The following GMCL1 variants were observed in gnomAD, a reference collection of about 807,000 sequenced individuals.
The protein encoded by GMCL1 is germ cell-less protein-like 1.
A neutral mutation model predicts 75.5 loss-of-function variants in GMCL1; 54 were observed. That is an observed-to-expected ratio of 0.71 (90% CI 0.57 to 0.90). GMCL1 has a LOEUF of 0.90. GMCL1 is among the 40% of genes least tolerant of loss of function. The pLI, the probability that GMCL1 is intolerant of heterozygous loss-of-function variation, is 0.00. For missense variants in GMCL1, 537 were observed against 622.7 expected (o/e 0.86, Z 1.47); for synonymous variants, 210 against 209.6 (o/e 1.00, Z -0.02).
At chr2:69,850,207 A>C (rs1027879052) in intron 8 of GMCL1, among the ~76,000 whole-genome samples, 31 of 152,174 alleles carry the variant, frequency 2.0e-4, no homozygotes, top group African/African-American at 7.0e-4. Context: ...GTGCTGCTGC[A>C]TACATTTGTG....
chr2:69,853,532 A>G (rs1307193281), intron 8 of GMCL1, among the ~76,000 whole-genome samples: 4 of 152,228 alleles, frequency 2.6e-5, no homozygotes, highest in Non-Finnish European at 4.4e-5. Context: ...GGTTTGAGAC[A>G]TAATAGTCTA....
At position 69,847,582 on chromosome 2, in the gene GMCL1, AT is replaced by A; in HGVS notation, c.801del (p.Phe267LeufsTer2). On this transcript the variant is annotated frameshift_variant, in exon 7 of 14. Coordinates refer to ENST00000282570, the MANE Select transcript of GMCL1 (RefSeq NM_178439.5). LOFTEE classifies it high-confidence loss of function. The stretch of plus-strand genomic sequence containing the variant: ...AACAGCTCATTGGTTCATCTAACTT[AT>A]TTGTGATGCAAGTGGAGATGGATAT... ...MKQLIGSSNLFVMQVEMDIYT... is the reference protein window; with the variant it reads ...MKQLIGSSNLXVMQVEMDIYT... 1.2e-6 allele frequency: 2 copies of A among 1,611,372 alleles called. No individual in the cohort carries two copies. Among genetic ancestry groups the A allele is most frequent in the Non-Finnish European group, 1.7e-6 (2 of 1,177,830 alleles).
chr2:69,872,615 G>A (rs1213520317), intron 13 of GMCL1, among the ~76,000 whole-genome samples: 1 of 152,148 alleles, frequency 6.6e-6, no homozygotes, highest in Non-Finnish European at 1.5e-5. Context: ...TGCCCTATAT[G>A]AGAACTTCTT....
chr2:69,830,186 C>T (rs753890627), intron 1 of GMCL1, 34 bp downstream of exon 1: 99 of 1,541,220 alleles, frequency 6.4e-5, no homozygotes, highest in Non-Finnish European at 7.9e-5. Context: ...CGGACCCGGA[C>T]CCGCACCTGT....
chr2:69,854,987 A>G (rs756507450), intron 9 of GMCL1, 27 bp downstream of exon 9: 2 of 1,508,250 alleles, frequency 1.3e-6, no homozygotes, highest in Non-Finnish European at 1.8e-6. Context: ...TGTAATTTTA[A>G]GTAATATATT....
At chr2:69,863,929 C>T (rs1675731413) in intron 10 of GMCL1, among the ~76,000 whole-genome samples, 2 of 151,942 alleles carry the variant, frequency 1.3e-5, no homozygotes, top group African/African-American at 4.8e-5. Flanking sequence ...ATACTCTTAC[C>T]CCTCCATAGA....
intron 12 of GMCL1, 26 bp from the exon 13 acceptor site, chr2:69,871,719 A>C: frequency 7.9e-7 from 1 of 1,260,122 alleles, no homozygotes; most frequent in Non-Finnish European, 1.1e-6. Context: ...TCTTGTGTTT[A>C]TTTTTTATTT....
In GMCL1 at chr2:69,880,149, T is replaced by C. The variant is rs1676240239; in HGVS notation, c.*1145T>C. ...TGAAAATAGCCATGTTCATTTTCTT[T>C]CCAGTTAGAGTAAGTACTTCTGTGG... On this transcript the variant is annotated 3_prime_UTR_variant, in exon 14 of 14. Transcript: ENST00000282570. 6.6e-6 allele frequency: 1 copy of C among 152,226 alleles called. No homozygotes were observed. Among genetic ancestry groups the C allele is most frequent in the African/African-American group, 2.4e-5 (1 of 41,464 alleles). The allele number at this position is 152,226 out of a possible 1,614,324, so 9.4% of individuals were successfully genotyped here.
intron 13 of GMCL1, among the ~76,000 whole-genome samples, chr2:69,877,038 G>C (rs1389484213): frequency 6.6e-6 from 1 of 152,048 alleles, no homozygotes; most frequent in African/African-American, 2.4e-5. Flanking sequence ...CAAATACCCA[G>C]AAATTTATTT....
Position 69,847,620 on chromosome 2 carries a change from T to TA in GMCL1, c.842dup (p.Trp282ValfsTer27). 2 of 1,591,784 alleles carry TA rather than the reference T, an allele frequency of 1.3e-6. No individual in the cohort carries two copies. The highest frequency in any genetic ancestry group is 8.6e-7 in the Non-Finnish European group (1 of 1,160,466). ...GTGGAGATGGATATATACACTGCTCTAAAAAAGGTACTGACGTAATATGAT... is the reference window on the plus strand; with the variant it reads ...GTGGAGATGGATATATACACTGCTCTAAAAAAAGGTACTGACGTAATATGAT... On this transcript the variant is annotated frameshift_variant, in exon 7 of 14. Transcript: ENST00000282570. LOFTEE classifies it high-confidence loss of function.
chr2:69,852,614 G>A (rs1573356408), intron 8 of GMCL1, among the ~76,000 whole-genome samples: 1 of 151,360 alleles, frequency 6.6e-6, no homozygotes, highest in Non-Finnish European at 1.5e-5. Context: ...TCTTGGCTCA[G>A]TGCAACCTCC....
intron 9 of GMCL1, among the ~76,000 whole-genome samples, chr2:69,855,794 C>T (rs1189600028): frequency 6.6e-6 from 1 of 152,054 alleles, no homozygotes; most frequent in Admixed American, 6.5e-5. Flanking sequence ...TATAGCAGTT[C>T]TATAATAGTT....
At chr2:69,833,547 CGGAGGTTG>C (rs1489352791) in intron 1 of GMCL1, among the ~76,000 whole-genome samples, 26 of 152,310 alleles carry the variant, frequency 1.7e-4, no homozygotes, top group South Asian at 6.2e-4. Flanking sequence ...ACTCAGGAGG[CGGAGGTTG>C]TAGTGAGCCA....
chr2:69,863,936 T>C (rs1298019741), intron 10 of GMCL1, among the ~76,000 whole-genome samples: 2 of 152,052 alleles, frequency 1.3e-5, no homozygotes, highest in African/African-American at 4.8e-5. Flanking sequence ...TACCCCTCCA[T>C]AGAATTCACC....
At position 69,829,745 on chromosome 2, in the gene GMCL1, A is replaced by T; in HGVS notation, c.-148A>T. On this transcript the variant is annotated 5_prime_UTR_variant, in exon 1 of 14. Transcript: ENST00000282570. ...GCTGCGGGCGGGGAAGAGGATGGAG[A>T]CTGTGGCGTCCGCTGCAACGGTTGG... The T allele has an allele frequency of 1.1e-6, 1 of 872,012 alleles. No individual in the cohort carries two copies. Among genetic ancestry groups the T allele is most frequent in the Non-Finnish European group, 1.7e-6 (1 of 590,670 alleles). 54.0% of individuals were successfully genotyped at this position (872,012 alleles called of 1,614,324 possible). A position where few individuals can be genotyped will look rare whatever the true frequency, so the allele number is the denominator to read the frequency against.
rs1172405933 is a variant in GMCL1 at position 69,881,046 on chromosome 2, A to G, written c.*2042A>G. 1 of 152,214 alleles carries G rather than the reference A, an allele frequency of 6.6e-6. No homozygotes were observed. The allele number at this position is 152,214 out of a possible 1,614,324, so 9.4% of individuals were successfully genotyped here. Reference sequence around the variant, plus strand: ...TAAGTTTTTGCAGATCTTGGAAGTAAAGATAATGTTTTGATCATATTAATG... The same window carrying G: ...TAAGTTTTTGCAGATCTTGGAAGTAGAGATAATGTTTTGATCATATTAATG... On this transcript the variant is annotated 3_prime_UTR_variant, in exon 14 of 14. Coordinates refer to ENST00000282570, the MANE Select transcript of GMCL1 (RefSeq NM_178439.5).
In GMCL1 at chr2:69,864,590, C is replaced by CTTTT. The variant is rs534389389; in HGVS notation, c.1143-291_1143-288dup. The stretch of plus-strand genomic sequence containing the variant: ...TATTTTACTTGTAGTTAGACTTTTA[C>CTTTT]TTTTTTTTTTTTTTTTTTTTTTGGC... On this transcript the variant is annotated intron_variant, in intron 10 of 13. Coordinates refer to ENST00000282570, the MANE Select transcript of GMCL1 (RefSeq NM_178439.5). Among the ~76,000 whole-genome samples, 56 of 88,336 alleles carry CTTTT rather than the reference C, an allele frequency of 6.3e-4. 2 individuals carry two copies. Among genetic ancestry groups the CTTTT allele is most frequent in the East Asian group, 1.8e-3 (5 of 2,834 alleles). 58.0% of individuals were successfully genotyped at this position (88,336 alleles called of 152,430 possible). A position where few individuals can be genotyped will look rare whatever the true frequency, so the allele number is the denominator to read the frequency against.
At chr2:69,846,481 T>C (rs2103974306) in intron 6 of GMCL1, among the ~76,000 whole-genome samples, 1 of 152,342 alleles carries the variant, frequency 6.6e-6, no homozygotes, top group African/African-American at 2.4e-5. Flanking sequence ...CCATTTTATA[T>C]AAGGGACTTG....
chr2:69,857,057 C>T (rs1259179882), intron 9 of GMCL1, among the ~76,000 whole-genome samples: 1 of 152,118 alleles, frequency 6.6e-6, no homozygotes, highest in Non-Finnish European at 1.5e-5. Context: ...CAGAATTTCT[C>T]AGCATCAGAA....
Sources: gnomAD v4.1 joint callset for allele counts (sites outside exome capture counted in the v4.1 genomes callset) on GRCh38, gnomAD v4.1.1 for gene constraint, MANE v1.5 for transcripts, NCBI Gene and HGNC (gene_info 2026-07-23, HGNC 2026-07-21) for gene names.